Variants in LAMA2 observed in about 807,000 individuals in gnomAD.
LAMA2 encodes the protein laminin subunit alpha 2.
In LAMA2, 269 loss-of-function variants were observed where a neutral mutation model predicts 364.8. The ratio of observed to expected loss-of-function variants is 0.74; its 90% CI spans 0.67 to 0.82. The LOEUF (loss-of-function observed/expected upper bound fraction) is 0.82, where lower values mean the gene tolerates loss of function less well. Among genes scored for constraint, LAMA2 ranks in the 40% least tolerant of loss-of-function variants. LAMA2 has a pLI of 0.00. For missense variants in LAMA2, 3,807 were observed against 3,873.2 expected, an observed-to-expected ratio of 0.98 and a Z score of 0.45; for synonymous variants, 1,379 against 1,370.6, an observed-to-expected ratio of 1.01 and a Z score of -0.14.
chr6:129,297,256 C>T (rs1419556903), intron 20 of LAMA2, among the ~76,000 whole-genome samples: 1 of 151,984 alleles, frequency 6.6e-6, no homozygotes, highest in Non-Finnish European at 1.5e-5. Flanking sequence ...GGCTGCTGGT[C>T]AATAATGTTG....
chr6:128,994,461 T>G (rs556889755), intron 1 of LAMA2, among the ~76,000 whole-genome samples: 1 of 152,362 alleles, frequency 6.6e-6, no homozygotes, highest in South Asian at 2.1e-4. Context: ...TATGGTACTT[T>G]GATTCAATAT....
At chr6:129,127,209 A>G (rs1441664580) in intron 4 of LAMA2, among the ~76,000 whole-genome samples, 2 of 152,342 alleles carry the variant, frequency 1.3e-5, no homozygotes, top group East Asian at 1.9e-4. Context: ...CCATTCTTTT[A>G]ACTGAGATTT....
In LAMA2 at chr6:129,514,415, G is replaced by C; in HGVS notation, c.9031G>C (p.Val3011Leu). 6.2e-7 allele frequency: 1 copy of C among 1,614,002 alleles called. No homozygotes were observed. The highest frequency in any genetic ancestry group is 1.1e-5 in the South Asian group (1 of 91,070). The change falls in exon 64 of 65, where the codon GTC (valine) becomes CTC (leucine). Residue 3011 changes from valine to leucine, a missense_variant. Transcript: ENST00000421865. ...CAATGGTGCGGGCAGATTCACTGCTGTCTATGATGCTGGGGTTCCAGGGCA... is the reference window on the plus strand; with the variant it reads ...CAATGGTGCGGGCAGATTCACTGCTCTCTATGATGCTGGGGTTCCAGGGCA... ...VDNGAGRFTA[V>L]YDAGVPGHLC... is the part of the protein sequence containing the mutation.
intron 64 of LAMA2, 105 bp downstream of exon 64, chr6:129,514,700 T>A: frequency 1.1e-6 from 1 of 912,830 alleles, no homozygotes; most frequent in Non-Finnish European, 1.8e-6. Flanking sequence ...TATGTGTACT[T>A]GCTTCCTAGC....
At chr6:129,211,255 A>G (rs1266129594) in intron 12 of LAMA2, among the ~76,000 whole-genome samples, 1 of 152,208 alleles carries the variant, frequency 6.6e-6, no homozygotes, top group Non-Finnish European at 1.5e-5. Context: ...GATGATACAC[A>G]AACCCAGCCA....
chr6:129,315,375 T>G (rs757354149), intron 24 of LAMA2, 101 bp from the exon 25 acceptor site: 3 of 965,018 alleles, frequency 3.1e-6, no homozygotes, highest in Non-Finnish European at 4.9e-6. Context: ...ATCATCAGAA[T>G]GGGTATAGGA....
At chr6:129,378,271 C>G (rs566408531) in intron 34 of LAMA2, among the ~76,000 whole-genome samples, 36 of 152,234 alleles carry the variant, frequency 2.4e-4, no homozygotes, top group African/African-American at 8.7e-4. Context: ...ACAGAAAGAG[C>G]CAAACTGAAT....
At chr6:129,470,456 A>G (rs1447375482) in intron 51 of LAMA2, among the ~76,000 whole-genome samples, 1 of 151,924 alleles carries the variant, frequency 6.6e-6, no homozygotes, top group Non-Finnish European at 1.5e-5. Context: ...CCAGATGGCT[A>G]AAACCTGAGA....
At chr6:129,169,642 G>T (rs1780003830) in intron 9 of LAMA2, among the ~76,000 whole-genome samples, 1 of 147,372 alleles carries the variant, frequency 6.8e-6, no homozygotes, top group Non-Finnish European at 1.5e-5. Context: ...TTGTGTCTCT[G>T]CCTGGCTTTG....
intron 9 of LAMA2, among the ~76,000 whole-genome samples, chr6:129,174,859 T>A (rs902889500): frequency 4.6e-5 from 7 of 152,116 alleles, no homozygotes; most frequent in Non-Finnish European, 1.0e-4. Context: ...ACCTATCTAT[T>A]TTTCTACGTT....
intron 3 of LAMA2, among the ~76,000 whole-genome samples, chr6:129,061,193 A>G (rs556756705): frequency 2.0e-4 from 30 of 152,166 alleles, no homozygotes; most frequent in Non-Finnish European, 4.0e-4. Context: ...ATTGGTCACA[A>G]GAGTTCTCCC....
intron 42 of LAMA2, among the ~76,000 whole-genome samples, chr6:129,439,908 T>C (rs1782022031): frequency 6.7e-6 from 1 of 150,354 alleles, no homozygotes; most frequent in African/African-American, 2.4e-5. Context: ...ACATTCAGAA[T>C]AGTCACTTCA....
At chr6:128,965,104 T>C (rs1781754007) in intron 1 of LAMA2, among the ~76,000 whole-genome samples, 1 of 152,050 alleles carries the variant, frequency 6.6e-6, no homozygotes, top group South Asian at 2.1e-4. Context: ...TGGTGTGTTG[T>C]TAAGGTTCTT....
At chr6:129,207,908 T>C (rs564962470) in intron 12 of LAMA2, among the ~76,000 whole-genome samples, 5 of 152,170 alleles carry the variant, frequency 3.3e-5, no homozygotes, top group Non-Finnish European at 4.4e-5. Flanking sequence ...ATTTACAGGC[T>C]TTAGGGAAAA....
intron 41 of LAMA2, among the ~76,000 whole-genome samples, chr6:129,432,292 A>G (rs1477092275): frequency 6.6e-6 from 1 of 152,224 alleles, no homozygotes; most frequent in Non-Finnish European, 1.5e-5. Context: ...GTGGACTTCC[A>G]TTAGAGAAAA....
chr6:129,418,157 A>G lies in LAMA2; in HGVS notation c.5866-9595A>G, dbSNP rs971085055. On this transcript the variant is annotated intron_variant, in intron 40 of 64. Transcript: ENST00000421865. ...TTCATCGCCTGCTCCCTCTGTTTTC[A>G]CTGCTTGGTGACTGTGGTGTTTTGT... Among the ~76,000 whole-genome samples the G allele has an allele frequency of 1.3e-5, 2 of 151,922 alleles. 1 individual carries two copies. The highest frequency in any genetic ancestry group is 4.8e-5 in the African/African-American group (2 of 41,308).
intron 1 of LAMA2, among the ~76,000 whole-genome samples, chr6:129,011,177 C>G (rs1409601513): frequency 6.6e-6 from 1 of 152,152 alleles, no homozygotes; most frequent in Non-Finnish European, 1.5e-5. Flanking sequence ...GCTCATTTCA[C>G]TTTGCAAACC....
intron 29 of LAMA2, among the ~76,000 whole-genome samples, chr6:129,333,941 G>A (rs1239529604): frequency 6.6e-6 from 1 of 151,982 alleles, no homozygotes; most frequent in African/African-American, 2.4e-5. Flanking sequence ...TATTTTCTGA[G>A]GAATCCCTAG....
At chr6:129,057,746 C>G (rs943677913) in intron 2 of LAMA2, among the ~76,000 whole-genome samples, 2 of 152,050 alleles carry the variant, frequency 1.3e-5, no homozygotes, top group Admixed American at 1.3e-4. Flanking sequence ...CTCATGGTCC[C>G]CCTCTCATCA....
Sources: allele counts gnomAD v4.1 joint callset (sites outside exome capture counted in the v4.1 genomes callset), GRCh38; gene constraint gnomAD v4.1.1; transcripts MANE v1.5; gene names NCBI Gene and HGNC (gene_info 2026-07-23, HGNC 2026-07-21).